Variants in ADGRL3 observed in about 807,000 individuals in gnomAD.
ADGRL3 encodes the protein calcium-independent alpha-latrotoxin receptor 3.
Under a neutral mutation model 153.5 loss-of-function variants are expected in ADGRL3, and 62 were observed. That is an observed-to-expected ratio of 0.40 (90% CI 0.33 to 0.50). The LOEUF is 0.50. Ranked by LOEUF, ADGRL3 falls within the 20% of genes least tolerant of loss-of-function variation. The pLI is 0.47. For synonymous variants in ADGRL3, 710 were observed against 672.5 expected, an observed-to-expected ratio of 1.06 and a Z score of -0.86; for missense variants, 1,641 against 1,859.4, an observed-to-expected ratio of 0.88 and a Z score of 2.16.
intron 17 of ADGRL3, among the ~76,000 whole-genome samples, chr4:61,965,770 C>G (rs2099004285): frequency 6.6e-6 from 1 of 151,906 alleles, no homozygotes; most frequent in African/African-American, 2.4e-5. Flanking sequence ...AAAAAAAAAG[C>G]ATTTGAACAG....
intron 17 of ADGRL3, among the ~76,000 whole-genome samples, chr4:61,962,945 T>C (rs1171150335): frequency 1.3e-5 from 2 of 152,128 alleles, no homozygotes; most frequent in Non-Finnish European, 2.9e-5. Context: ...AAAATCAGCA[T>C]CTTGTGAGAA....
At chr4:61,346,825 TTAA>T (rs1233029959) in intron 1 of ADGRL3, among the ~76,000 whole-genome samples, 1 of 151,444 alleles carries the variant, frequency 6.6e-6, no homozygotes, top group African/African-American at 2.4e-5. Context: ...CTACATTGTG[TTAA>T]TAATTAATAT....
chr4:61,677,399 G>T, intron 6 of ADGRL3: 1 of 419,000 alleles, frequency 2.4e-6, no homozygotes, highest in Non-Finnish European at 4.6e-6. Flanking sequence ...GAGTAGACCA[G>T]AAAGAAAAAA....
chr4:61,275,374 A>G (rs1008874613), intron 1 of ADGRL3, among the ~76,000 whole-genome samples: 1 of 152,174 alleles, frequency 6.6e-6, no homozygotes, highest in Non-Finnish European at 1.5e-5. Flanking sequence ...CCATTTAATG[A>G]TAGCTAAATC....
At chr4:61,948,738 C>T (rs2098935589) in intron 17 of ADGRL3, among the ~76,000 whole-genome samples, 1 of 152,144 alleles carries the variant, frequency 6.6e-6, no homozygotes, top group African/African-American at 2.4e-5. Flanking sequence ...ACTTGGCATA[C>T]CCTAACATAA....
intron 17 of ADGRL3, among the ~76,000 whole-genome samples, chr4:61,968,177 A>G (rs1443117718): frequency 6.6e-6 from 1 of 152,184 alleles, no homozygotes; most frequent in Non-Finnish European, 1.5e-5. Flanking sequence ...GATTCTAAAC[A>G]AGTTACAGCT....
intron 1 of ADGRL3, among the ~76,000 whole-genome samples, chr4:61,323,932 A>G (rs1279273187): frequency 6.6e-6 from 1 of 152,190 alleles, no homozygotes; most frequent in Admixed American, 6.6e-5. Flanking sequence ...AGACTGGGCA[A>G]TTTACAAAAG....
intron 9 of ADGRL3, among the ~76,000 whole-genome samples, chr4:61,881,238 C>G (rs1203207506): frequency 6.6e-6 from 1 of 152,030 alleles, no homozygotes; most frequent in Non-Finnish European, 1.5e-5. Context: ...AAGATGAATG[C>G]ATGTTTATTC....
At chr4:61,688,185 G>C (rs1276907475) in intron 6 of ADGRL3, among the ~76,000 whole-genome samples, 1 of 152,032 alleles carries the variant, frequency 6.6e-6, no homozygotes, top group Non-Finnish European at 1.5e-5. Context: ...ACAAATACAG[G>C]ATAGAATAGT....
At chr4:61,514,115 T>C (rs1250529832) in intron 3 of ADGRL3, among the ~76,000 whole-genome samples, 1 of 152,150 alleles carries the variant, frequency 6.6e-6, no homozygotes, top group Non-Finnish European at 1.5e-5. Context: ...GAGGAGTAAT[T>C]TGAGTTGGTT....
chr4:61,298,020 A>G (rs1248431644), intron 1 of ADGRL3, among the ~76,000 whole-genome samples: 3 of 152,172 alleles, frequency 2.0e-5, no homozygotes, highest in Admixed American at 2.0e-4. Flanking sequence ...CATTATATAC[A>G]TAAGGAAACT....
intron 21 of ADGRL3, among the ~76,000 whole-genome samples, chr4:62,007,383 T>TATATATACAC (rs71213024): frequency 0.012 from 379 of 30,736 alleles, 5 homozygotes; most frequent in Middle Eastern, 0.083. Flanking sequence ...TATATATATA[T>TATATATACAC]ACACACACAC....
At position 61,496,134 on chromosome 4, in the gene ADGRL3, CAG is replaced by C. The variant is rs1260527492; in HGVS notation, c.-173-983_-173-982del. 3.9e-5 allele frequency among the ~76,000 whole-genome samples: 6 copies of C among 152,052 alleles called. No individual in the cohort carries two copies. The East Asian group carries it at 1.2e-3, about 29-fold the overall frequency. ...TAAATCTATGATGTTCACAGATTTACAGAGATGTTTAGAAAAGTAATGTAGTT... is the reference window on the plus strand; with the variant it reads ...TAAATCTATGATGTTCACAGATTTACAGATGTTTAGAAAAGTAATGTAGTT... On this transcript the variant is annotated intron_variant, in intron 2 of 26. Coordinates refer to ENST00000683033, the MANE Select transcript of ADGRL3 (RefSeq NM_001387552.1).
intron 2 of ADGRL3, among the ~76,000 whole-genome samples, chr4:61,410,440 T>G (rs2097071814): frequency 6.6e-6 from 1 of 152,156 alleles, no homozygotes; most frequent in Non-Finnish European, 1.5e-5. Flanking sequence ...GCATATTTTC[T>G]TTGGAAAAAA....
Position 61,227,411 on chromosome 4 carries a change from G to A in ADGRL3, c.-240+25646G>A, listed in dbSNP as rs1354644. ...TTTTGTGGTGATAGGTTCTCCCTGCGTTTCCCAGGCTGGCCTTGAACTCCT... is the reference window on the plus strand; with the variant it reads ...TTTTGTGGTGATAGGTTCTCCCTGCATTTCCCAGGCTGGCCTTGAACTCCT... On this transcript the variant is annotated intron_variant, in intron 1 of 26. Coordinates refer to ENST00000683033, the MANE Select transcript of ADGRL3 (RefSeq NM_001387552.1). Among the ~76,000 whole-genome samples, 171 of 152,092 alleles carry A rather than the reference G, an allele frequency of 1.1e-3. 1 individual carries two copies. Among genetic ancestry groups the A allele is most frequent in the South Asian group, 4.8e-3 (23 of 4,818 alleles).
intron 4 of ADGRL3, among the ~76,000 whole-genome samples, chr4:61,566,369 A>G (rs1314121784): frequency 6.6e-6 from 1 of 152,108 alleles, no homozygotes; most frequent in African/African-American, 2.4e-5. Context: ...TCACTTCTGT[A>G]AAGACCCTGT....
intron 1 of ADGRL3, among the ~76,000 whole-genome samples, chr4:61,327,312 A>G (rs909354064): frequency 7.1e-6 from 1 of 141,284 alleles, no homozygotes; most frequent in Admixed American, 7.7e-5. Context: ...TAAGCTACAC[A>G]TTGAGTTTTA....
chr4:61,804,167 T>A (rs537589864), intron 8 of ADGRL3, among the ~76,000 whole-genome samples: 3 of 152,322 alleles, frequency 2.0e-5, no homozygotes, highest in Admixed American at 1.3e-4. Flanking sequence ...CCATATTTTT[T>A]AATTTCTCTA....
chr4:61,962,705 T>C (rs1402910433), intron 17 of ADGRL3, among the ~76,000 whole-genome samples: 1 of 152,222 alleles, frequency 6.6e-6, no homozygotes, highest in African/African-American at 2.4e-5. Flanking sequence ...TCATTTGTAT[T>C]ACTGAATTTG....
Sources: gnomAD v4.1 joint callset for allele counts (sites outside exome capture counted in the v4.1 genomes callset) on GRCh38, gnomAD v4.1.1 for gene constraint, MANE v1.5 for transcripts, NCBI Gene and HGNC (gene_info 2026-07-23, HGNC 2026-07-21) for gene names.